CACNB2: variants seen among roughly 807,000 people sequenced by gnomAD.
CACNB2 encodes the protein voltage-dependent L-type calcium channel subunit beta-2.
CACNB2 carries 42 observed loss-of-function variants against 73.3 expected under a neutral mutation model. That is an observed-to-expected ratio of 0.57 (90% CI 0.45 to 0.74). CACNB2 has a LOEUF of 0.74. Ranked by LOEUF, CACNB2 falls within the 30% of genes least tolerant of loss-of-function variation. The pLI is 0.00. For missense variants in CACNB2, 940 were observed against 853.0 expected (o/e 1.10, Z -1.27); for synonymous variants, 348 against 310.3 (o/e 1.12, Z -1.28).
chr10:18,493,498 T>C (rs937818419), intron 3 of CACNB2, among the ~76,000 whole-genome samples: 3 of 152,084 alleles, frequency 2.0e-5, no homozygotes, highest in Non-Finnish European at 1.5e-5. Context: ...GACTTGAACA[T>C]CTATAGATTT....
At chr10:18,184,528 A>C (rs369113825) in intron 2 of CACNB2, among the ~76,000 whole-genome samples, 2 of 152,002 alleles carry the variant, frequency 1.3e-5, no homozygotes, top group African/African-American at 4.8e-5. Flanking sequence ...ACTTTATTCA[A>C]ATTTTCTCAG....
At chr10:18,171,381 G>C (rs780790647) in intron 2 of CACNB2, among the ~76,000 whole-genome samples, 2 of 151,220 alleles carry the variant, frequency 1.3e-5, no homozygotes, top group Admixed American at 6.6e-5. Context: ...GTATTCCTGG[G>C]CTGGGGGCAG....
intron 13 of CACNB2, 108 bp downstream of exon 13, chr10:18,538,473 C>T: frequency 1.1e-6 from 1 of 924,482 alleles, no homozygotes; most frequent in Non-Finnish European, 1.7e-6. Flanking sequence ...GGGGCTTGTT[C>T]TAGTATATTA....
chr10:18,281,979 C>CAAAA lies in CACNB2; in HGVS notation c.214-119925_214-119922dup, dbSNP rs10542258. 8.6e-4 allele frequency among the ~76,000 whole-genome samples: 60 copies of CAAAA among 69,944 alleles called. 1 individual carries two copies. Among genetic ancestry groups the CAAAA allele is most frequent in the Non-Finnish European group, 1.3e-3 (50 of 38,792 alleles). 45.9% of individuals were successfully genotyped at this position (69,944 alleles called of 152,430 possible). On this transcript the variant is annotated intron_variant, in intron 2 of 13. Coordinates refer to ENST00000324631, the MANE Select transcript of CACNB2 (RefSeq NM_201596.3). The stretch of plus-strand genomic sequence containing the variant: ...TGGGTGACAGAGTGAGACTCCATCT[C>CAAAA]AAAAAAAAAAAAAAAAAAAAAAAGG...
intron 3 of CACNB2, among the ~76,000 whole-genome samples, chr10:18,407,678 T>C (rs1485404439): frequency 2.6e-5 from 4 of 152,188 alleles, no homozygotes; most frequent in Non-Finnish European, 1.5e-5. Flanking sequence ...GATATTTGAT[T>C]TGAGCCTCTG....
At chr10:18,147,097 A>G (rs928245754) in intron 1 of CACNB2, among the ~76,000 whole-genome samples, 4 of 152,284 alleles carry the variant, frequency 2.6e-5, no homozygotes, top group Non-Finnish European at 5.9e-5. Flanking sequence ...TCTGTAATTA[A>G]TTATTCCTGT....
chr10:18,443,410 C>T (rs1230470657), intron 3 of CACNB2, among the ~76,000 whole-genome samples: 1 of 151,984 alleles, frequency 6.6e-6, no homozygotes, highest in Non-Finnish European at 1.5e-5. Context: ...GGGTGCAGGG[C>T]CAGCAGGAGC....
At chr10:18,310,935 A>G (rs61842678) in intron 2 of CACNB2, among the ~76,000 whole-genome samples, 24,496 of 152,056 alleles carry the variant, frequency 0.16, 2,008 homozygotes, top group South Asian at 0.21. Context: ...TAGTCTTCAA[A>G]TACATTCATT....
chr10:18,496,814 CAAAAAAAAA>C (rs905870687), intron 3 of CACNB2, among the ~76,000 whole-genome samples: 3 of 45,192 alleles, frequency 6.6e-5, no homozygotes, highest in African/African-American at 2.3e-4. Context: ...AACTCCGCCT[CAAAAAAAAA>C]AAAAAAAAAA....
chr10:18,392,167 G>A (rs1163006230), intron 2 of CACNB2, among the ~76,000 whole-genome samples: 2 of 152,068 alleles, frequency 1.3e-5, no homozygotes, highest in Non-Finnish European at 2.9e-5. Flanking sequence ...GGCCCAACAA[G>A]GTTAGAGCCG....
intron 2 of CACNB2, among the ~76,000 whole-genome samples, chr10:18,348,135 C>T (rs373647524): frequency 1.1e-4 from 16 of 152,218 alleles, no homozygotes; most frequent in Non-Finnish European, 2.1e-4. Context: ...CCTCTGTTGA[C>T]GAAATTGCCA....
rs555581240 is a variant in CACNB2, at chr10:18,303,587, C to T, written c.214-98337C>T. 3.0e-3 allele frequency among the ~76,000 whole-genome samples: 450 copies of T among 152,256 alleles called. 4 individuals are homozygous for T. Among genetic ancestry groups the T allele is most frequent in the Non-Finnish European group, 2.7e-3 (181 of 68,032 alleles). On this transcript the variant is annotated intron_variant, in intron 2 of 13. Coordinates refer to ENST00000324631, the MANE Select transcript of CACNB2 (RefSeq NM_201596.3). ...GTCTCAGATGTCACTTACTTCTCTT[C>T]ATAAGAGCCAGTACTGAATTCTTAG... is the stretch of plus-strand genomic sequence containing the variant.
intron 3 of CACNB2, among the ~76,000 whole-genome samples, chr10:18,461,484 G>A (rs916645028): frequency 4.0e-5 from 6 of 151,566 alleles, no homozygotes; most frequent in Admixed American, 2.0e-4. Context: ...TTTTGAATGT[G>A]TGTGCTTTAA....
chr10:18,341,769 T>C (rs1419054135), intron 2 of CACNB2, among the ~76,000 whole-genome samples: 1 of 152,226 alleles, frequency 6.6e-6, no homozygotes, highest in Non-Finnish European at 1.5e-5. Context: ...ATACTAAATT[T>C]AGTATAATAG....
At chr10:18,234,874 T>C (rs2036372248) in intron 2 of CACNB2, among the ~76,000 whole-genome samples, 1 of 152,196 alleles carries the variant, frequency 6.6e-6, no homozygotes, top group African/African-American at 2.4e-5. Context: ...CCGGGCGCGG[T>C]GACTCACGCC....
chr10:18,384,849 G>A (rs2132399681), intron 2 of CACNB2, among the ~76,000 whole-genome samples: 1 of 151,636 alleles, frequency 6.6e-6, no homozygotes, highest in South Asian at 2.1e-4. Context: ...GCCAGGTTAA[G>A]TCCCTCCCAT....
chr10:18,467,306 A>G (rs2047946306), intron 3 of CACNB2, among the ~76,000 whole-genome samples: 2 of 152,250 alleles, frequency 1.3e-5, no homozygotes, highest in Non-Finnish European at 2.9e-5. Context: ...ACTAACTGGC[A>G]TCAACACTGG....
At chr10:18,374,855 C>A (rs2042729462) in intron 2 of CACNB2, among the ~76,000 whole-genome samples, 1 of 152,120 alleles carries the variant, frequency 6.6e-6, no homozygotes, top group African/African-American at 2.4e-5. Flanking sequence ...GAAACTCAGC[C>A]TTAGAACTGT....
intron 2 of CACNB2, among the ~76,000 whole-genome samples, chr10:18,391,575 C>T (rs1589223431): frequency 2.0e-5 from 3 of 151,910 alleles, no homozygotes; most frequent in African/African-American, 7.3e-5. Context: ...GTGTTATATC[C>T]TAATCAAGGG....
Sources: gnomAD v4.1 joint callset for allele counts (sites outside exome capture counted in the v4.1 genomes callset) on GRCh38, gnomAD v4.1.1 for gene constraint, MANE v1.5 for transcripts, NCBI Gene and HGNC (gene_info 2026-07-23, HGNC 2026-07-21) for gene names.